The following MCUR1 variants were observed in gnomAD, a reference collection of about 807,000 sequenced individuals.
The protein encoded by MCUR1 is MCU regulator 1.
Under a neutral mutation model 42.0 loss-of-function variants are expected in MCUR1, and 37 were observed. The observed-to-expected ratio is 0.88, with a 90% CI of 0.68 to 1.16. The LOEUF is 1.16. Among genes scored for constraint, MCUR1 ranks in the 50% most tolerant of loss-of-function variants. The probability of loss-of-function intolerance (pLI) is 0.00; values close to 1 mark genes in which losing one functional copy is unlikely to be tolerated. For synonymous variants in MCUR1, 229 were observed against 196.2 expected (o/e 1.17, Z -1.40); for missense variants, 469 against 468.4 (o/e 1.00, Z -0.01).
chr6:13,791,075 C>T (rs1759720215), intron 8 of MCUR1, among the ~76,000 whole-genome samples: 1 of 151,992 alleles, frequency 6.6e-6, no homozygotes, highest in Non-Finnish European at 1.5e-5. Flanking sequence ...TCATCTGGTA[C>T]CCAGGAGGAG....
At chr6:13,800,405 T>C in intron 4 of MCUR1, 23 bp from the exon 5 acceptor site, 1 of 1,199,560 alleles carries the variant, frequency 8.3e-7, no homozygotes, top group Non-Finnish European at 1.2e-6. Flanking sequence ...AAAAAAAAAG[T>C]CATTAGAAAG....
chr6:13,797,793 G>A (rs566959542), intron 6 of MCUR1, among the ~76,000 whole-genome samples: 2 of 152,194 alleles, frequency 1.3e-5, no homozygotes, highest in South Asian at 4.2e-4. Context: ...GGAGGACAAG[G>A]TGGGCAGATC....
rs1760301585 is a variant in MCUR1 at position 13,814,039 on chromosome 6, G to C, written c.391C>G (p.Pro131Ala). The change falls in exon 1 of 9, where the codon CCT (proline) becomes GCT (alanine). Residue 131 changes from proline to alanine, a missense_variant. Physicochemically the swap from Pro to Ala is conservative, Grantham distance 27 (BLOSUM62 -1). Transcript: ENST00000379170. ...CCTCTCCTGCAGGAAACGAGTGCAG[G>C]CGCCGGGCCGTGGTACTGGGGAAGG... is the stretch of plus-strand genomic sequence containing the variant. ...GALPQYHGPA[P>A]ALVSCRRELS... The C allele has an allele frequency of 3.2e-6, 4 of 1,236,744 alleles. No homozygotes were observed. The highest frequency in any genetic ancestry group is 4.0e-6 in the Non-Finnish European group (4 of 991,202). The allele number at this position is 1,236,744 out of a possible 1,614,324, so 76.6% of individuals were successfully genotyped here.
In MCUR1 at chr6:13,804,780, ACT is replaced by A. The variant is rs1450381340; in HGVS notation, c.535+2143_535+2144del. On this transcript the variant is annotated intron_variant, in intron 2 of 8. Coordinates refer to ENST00000379170, the MANE Select transcript of MCUR1 (RefSeq NM_001031713.4). ...ACTCCAGCCTGGAAGACAGAGCCAG[ACT>A]CTGTCTCCAAAAAAAAAAAAAAAAA... Among the ~76,000 whole-genome samples, 5 of 128,732 alleles carry A rather than the reference ACT, an allele frequency of 3.9e-5. No individual in the cohort carries two copies. The East Asian group carries it at 8.8e-4, about 23-fold the overall frequency. 84.5% of individuals were successfully genotyped at this position (128,732 alleles called of 152,430 possible).
rs1759655133 is a variant in MCUR1 at position 13,788,522 on chromosome 6, C to T, written c.*2287G>A. 6.6e-6 allele frequency: 1 copy of T among 152,120 alleles called. No individual in the cohort carries two copies. The highest frequency in any genetic ancestry group is 1.5e-5 in the Non-Finnish European group (1 of 68,018). 9.4% of individuals were successfully genotyped at this position (152,120 alleles called of 1,614,324 possible). ...TTATAGCAGATGCAAAAATGTCAAC[C>T]CACCATGTTATTTAAAAAAAAATTT... On this transcript the variant is annotated 3_prime_UTR_variant, in exon 9 of 9. Coordinates refer to ENST00000379170, the MANE Select transcript of MCUR1 (RefSeq NM_001031713.4).
At chr6:13,802,758 G>A (rs2113468990) in intron 2 of MCUR1, among the ~76,000 whole-genome samples, 1 of 152,144 alleles carries the variant, frequency 6.6e-6, no homozygotes, top group African/African-American at 2.4e-5. Context: ...TCTGCATTAT[G>A]TAGATTTTCT....
Position 13,802,301 on chromosome 6 carries a change from T to G in MCUR1, c.581A>C (p.Lys194Thr), listed in dbSNP as rs1213902132. 6.2e-7 allele frequency: 1 copy of G among 1,613,952 alleles called. No homozygotes were observed. Among genetic ancestry groups the G allele is most frequent in the Admixed American group, 1.7e-5 (1 of 60,012 alleles). ...QAEIIVSALVKILEANMDIVY... is the reference protein window; with the variant it reads ...QAEIIVSALVTILEANMDIVY... ...GATGTCCATGTTGGCCTCCAGGATCTTGACCAATGCAGACACAATGATTTC... is the reference window on the plus strand; with the variant it reads ...GATGTCCATGTTGGCCTCCAGGATCGTGACCAATGCAGACACAATGATTTC... Residue 194 changes from lysine to threonine, a missense_variant, in exon 3 of 9, where the codon AAG becomes ACG. By Grantham distance (78) the Lys-to-Thr change is moderately conservative. Transcript: ENST00000379170.
intron 1 of MCUR1, among the ~76,000 whole-genome samples, chr6:13,807,711 A>G (rs1312265710): frequency 6.6e-6 from 1 of 152,198 alleles, no homozygotes; most frequent in Non-Finnish European, 1.5e-5. Context: ...ACTGTTTTCC[A>G]AAGCAGCTAT....
intron 1 of MCUR1, among the ~76,000 whole-genome samples, chr6:13,809,375 A>T (rs1489892614): frequency 2.0e-5 from 3 of 152,122 alleles, no homozygotes; most frequent in Admixed American, 2.0e-4. Flanking sequence ...ATCATAAGAG[A>T]TATCGGTCAA....
At chr6:13,801,528 C>T (rs541912054) in intron 3 of MCUR1, 139 bp from the exon 4 acceptor site, 798 of 604,132 alleles carry the variant, frequency 1.3e-3, no homozygotes, top group Non-Finnish European at 1.8e-3. Flanking sequence ...ATCCTTTATT[C>T]CAAAAGGGGA....
At chr6:13,813,578 T>TGATTCCATCAG (rs1354862200) in intron 1 of MCUR1, among the ~76,000 whole-genome samples, 33 of 152,328 alleles carry the variant, frequency 2.2e-4, no homozygotes, top group African/African-American at 6.7e-4. Flanking sequence ...CACGAATTAA[T>TGATTCCATCAG]GATTCCATCA....
chr6:13,802,293 C>T lies in MCUR1; in HGVS notation c.589G>A (p.Glu197Lys). 3 of 1,613,948 alleles carry T rather than the reference C, an allele frequency of 1.9e-6. No individual in the cohort carries two copies. The highest frequency in any genetic ancestry group is 2.5e-6 in the Non-Finnish European group (3 of 1,179,920). The change falls in exon 3 of 9, where the codon GAG becomes AAG. Residue 197 changes from glutamate to lysine, a missense_variant. Physicochemically the swap from Glu to Lys is moderately conservative, Grantham distance 56. Transcript: ENST00000379170. ...TTGTAGACGATGTCCATGTTGGCCT[C>T]CAGGATCTTGACCAATGCAGACACA... Reference protein sequence around the residue: ...IIVSALVKILEANMDIVYKDM... With the variant: ...IIVSALVKILKANMDIVYKDM...
At chr6:13,812,256 C>T (rs1278185681) in intron 1 of MCUR1, among the ~76,000 whole-genome samples, 2 of 152,116 alleles carry the variant, frequency 1.3e-5, no homozygotes, top group East Asian at 1.9e-4. Flanking sequence ...GTAGCTCAAC[C>T]GAGAACCTCA....
intron 6 of MCUR1, among the ~76,000 whole-genome samples, chr6:13,796,682 G>A (rs1759864857): frequency 6.6e-6 from 1 of 152,154 alleles, no homozygotes; most frequent in Non-Finnish European, 1.5e-5. Context: ...GACTTAAAAT[G>A]AGTAAAATCT....
At chr6:13,793,813 A>C (rs895276099) in intron 7 of MCUR1, 81 bp downstream of exon 7, 1 of 1,224,710 alleles carries the variant, frequency 8.2e-7, no homozygotes, top group Non-Finnish European at 1.2e-6. Context: ...GTAACTTCCT[A>C]TTATCATTAC....
chr6:13,806,557 T>C (rs1760115972), intron 2 of MCUR1, among the ~76,000 whole-genome samples: 2 of 152,176 alleles, frequency 1.3e-5, no homozygotes, highest in Non-Finnish European at 2.9e-5. Flanking sequence ...AGCAAAAATG[T>C]CCTCCAGCAA....
rs945303022 is a variant in MCUR1 at position 13,809,360 on chromosome 6, C to A, written c.416-2316G>T. On this transcript the variant is annotated intron_variant, in intron 1 of 8. Transcript: ENST00000379170. ...AGTATTTTGTTAAGGATTTTCTCAT[C>A]TTTAATCATAAGAGATATCGGTCAA... Among the ~76,000 whole-genome samples, 10 of 152,116 alleles carry A rather than the reference C, an allele frequency of 6.6e-5. No homozygotes were observed. The East Asian group carries it at 1.9e-3, about 29-fold the overall frequency.
rs760715136 is a variant in MCUR1, at chr6:13,801,307, G to A, written c.722C>T (p.Ala241Val). The A allele has an allele frequency of 3.7e-6, 6 of 1,611,716 alleles. No homozygotes were observed. The African/African-American group carries it at 6.7e-5, about 18-fold the overall frequency. Reference protein sequence around the residue: ...MIILEKSEFSALRAENEKIKL... With the variant: ...MIILEKSEFSVLRAENEKIKL... ...TTTTACCTCATTTTCTGCTCTGAGGGCTGAAAATTCACTCTTCTCCAAAAT... is the reference window on the plus strand; with the variant it reads ...TTTTACCTCATTTTCTGCTCTGAGGACTGAAAATTCACTCTTCTCCAAAAT... Residue 241 changes from alanine (A) to valine (V), a missense_variant, in exon 4 of 9, where the codon GCC becomes GTC. By Grantham distance (64) the Ala-to-Val change is moderately conservative (BLOSUM62 0). Coordinates refer to ENST00000379170, the MANE Select transcript of MCUR1 (RefSeq NM_001031713.4).
chr6:13,806,185 G>C (rs1206870605), intron 2 of MCUR1, among the ~76,000 whole-genome samples: 1 of 152,080 alleles, frequency 6.6e-6, no homozygotes, highest in African/African-American at 2.4e-5. Context: ...ACCCGAGGTG[G>C]AGGTTGCAGT....
Sources: gnomAD v4.1 joint callset for allele counts (sites outside exome capture counted in the v4.1 genomes callset) on GRCh38, gnomAD v4.1.1 for gene constraint, MANE v1.5 for transcripts, NCBI Gene and HGNC (gene_info 2026-07-23, HGNC 2026-07-21) for gene names.